RPA1: variants seen among roughly 807,000 people sequenced by gnomAD.
The protein encoded by RPA1 is replication protein A1, also known as replication protein A 70 kDa DNA-binding subunit.
A neutral mutation model predicts 83.0 loss-of-function variants in RPA1; 49 were observed. The ratio of observed to expected loss-of-function variants is 0.59; its 90% confidence interval spans 0.47 to 0.75. RPA1 has a LOEUF of 0.75. Ranked by LOEUF, RPA1 falls within the 30% of genes least tolerant of loss-of-function variation. RPA1 has a pLI of 0.00. For missense variants in RPA1, 693 were observed against 776.1 expected (o/e 0.89, Z 1.27); for synonymous variants, 279 against 281.8 (o/e 0.99, Z 0.10).
intron 5 of RPA1, among the ~76,000 whole-genome samples, chr17:1,860,155 A>G (rs959044625): frequency 2.0e-5 from 3 of 151,918 alleles, no homozygotes; most frequent in Non-Finnish European, 4.4e-5. Flanking sequence ...TGTTGCCCAC[A>G]CTGGTCTTGA....
At chr17:1,891,383 C>G (rs976738778) in intron 14 of RPA1, among the ~76,000 whole-genome samples, 7 of 152,032 alleles carry the variant, frequency 4.6e-5, no homozygotes, top group Admixed American at 3.3e-4. Context: ...AGAGAACTCC[C>G]CCGATTCACT....
At chr17:1,836,302 G>A (rs1268390974) in intron 1 of RPA1, among the ~76,000 whole-genome samples, 1 of 151,952 alleles carries the variant, frequency 6.6e-6, no homozygotes, top group Non-Finnish European at 1.5e-5. Context: ...TAGTGATGGG[G>A]TTTCACTATG....
chr17:1,864,382 C>T (rs1265904642), intron 5 of RPA1, among the ~76,000 whole-genome samples: 1 of 146,486 alleles, frequency 6.8e-6, no homozygotes, highest in Non-Finnish European at 1.5e-5. Flanking sequence ...ACTAAAAATA[C>T]AAAAAAATTA....
chr17:1,860,646 T>C (rs1239090869), intron 5 of RPA1, among the ~76,000 whole-genome samples: 2 of 149,800 alleles, frequency 1.3e-5, no homozygotes, highest in Non-Finnish European at 2.9e-5. Context: ...AATGACAGTA[T>C]TTGTTGTAAG....
At chr17:1,843,837 AC>A in intron 2 of RPA1, 82 bp from the exon 3 acceptor site, 1 of 1,081,028 alleles carries the variant, frequency 9.3e-7, no homozygotes, top group Non-Finnish European at 1.4e-6. Flanking sequence ...CTAATGGCAA[AC>A]CCACTCTCCT....
intron 12 of RPA1, among the ~76,000 whole-genome samples, chr17:1,881,936 T>G (rs2151288250): frequency 6.6e-6 from 1 of 152,316 alleles, no homozygotes; most frequent in South Asian, 2.1e-4. Flanking sequence ...CCTTGGAGCT[T>G]TTGAAACCGT....
intron 4 of RPA1, among the ~76,000 whole-genome samples, chr17:1,845,623 T>C (rs1385758621): frequency 6.6e-6 from 1 of 152,184 alleles, no homozygotes; most frequent in African/African-American, 2.4e-5. Context: ...ACTGTTACTC[T>C]CATTGCTAAA....
intron 5 of RPA1, among the ~76,000 whole-genome samples, chr17:1,855,723 G>A (rs1382563429): frequency 1.3e-5 from 2 of 151,950 alleles, no homozygotes; most frequent in Admixed American, 6.6e-5. Flanking sequence ...TGGGAAGTGT[G>A]TTCCGTTCTT....
At chr17:1,853,646 G>A in intron 5 of RPA1, among the ~76,000 whole-genome samples, 1 of 152,144 alleles carries the variant, frequency 6.6e-6, no homozygotes, top group Admixed American at 6.5e-5. Context: ...TCGTGCCACT[G>A]CACTCCAGCC....
intron 5 of RPA1, among the ~76,000 whole-genome samples, chr17:1,860,253 G>A (rs917185231): frequency 2.0e-5 from 3 of 151,936 alleles, no homozygotes; most frequent in African/African-American, 7.3e-5. Flanking sequence ...GTGGAGTGCC[G>A]GGCCTGCCTG....
intron 8 of RPA1, among the ~76,000 whole-genome samples, chr17:1,878,095 G>A (rs765901741): frequency 6.6e-6 from 1 of 152,246 alleles, no homozygotes; most frequent in Non-Finnish European, 1.5e-5. Flanking sequence ...GCTGGGTATG[G>A]TGGCAGGTGC....
intron 12 of RPA1, among the ~76,000 whole-genome samples, chr17:1,881,344 T>TG (rs1175982214): frequency 1.3e-5 from 2 of 152,084 alleles, no homozygotes; most frequent in African/African-American, 4.8e-5. Flanking sequence ...CTGTAGTCTA[T>TG]GGGGGGGAAG....
At chr17:1,831,982 G>A (rs1184433109) in intron 1 of RPA1, among the ~76,000 whole-genome samples, 1 of 145,138 alleles carries the variant, frequency 6.9e-6, no homozygotes, top group African/African-American at 2.6e-5. Context: ...AGGCTGGAGT[G>A]CGGTGGCGCA....
chr17:1,846,334 T>C (rs1054182291), intron 4 of RPA1, among the ~76,000 whole-genome samples: 7 of 137,412 alleles, frequency 5.1e-5, no homozygotes, highest in African/African-American at 1.1e-4. Flanking sequence ...TTTTTTTTTT[T>C]CTCCTGAGGC....
intron 6 of RPA1, 121 bp from the exon 7 acceptor site, chr17:1,875,540 C>A: frequency 1.9e-6 from 2 of 1,048,894 alleles, no homozygotes; most frequent in Non-Finnish European, 1.4e-6. Flanking sequence ...AAAAGCTTTG[C>A]CTCTCATGTT....
At chr17:1,852,389 T>C (rs1431821336) in intron 4 of RPA1, among the ~76,000 whole-genome samples, 1 of 152,206 alleles carries the variant, frequency 6.6e-6, no homozygotes, top group African/African-American at 2.4e-5. Context: ...CTTGAAGTGA[T>C]GTTTGAGACG....
chr17:1,844,790 C>G (rs2151271784), intron 4 of RPA1, 104 bp downstream of exon 4: 1 of 772,766 alleles, frequency 1.3e-6, no homozygotes, highest in East Asian at 2.8e-5. Context: ...TGCAGCTTTT[C>G]AGTTAAGAAC....
chr17:1,850,032 C>A (rs1032382890), intron 4 of RPA1, among the ~76,000 whole-genome samples: 1 of 151,562 alleles, frequency 6.6e-6, no homozygotes, highest in Non-Finnish European at 1.5e-5. Context: ...ATTAGCCAGG[C>A]GTGGTGGCAC....
At chr17:1,890,269 TAGG>T (rs1476144802) in intron 14 of RPA1, among the ~76,000 whole-genome samples, 1 of 150,714 alleles carries the variant, frequency 6.6e-6, no homozygotes, top group Non-Finnish European at 1.5e-5. Context: ...GAGGCTGAGG[TAGG>T]AGGATCGCTT....
Sources: gnomAD v4.1 joint callset for allele counts (sites outside exome capture counted in the v4.1 genomes callset) on GRCh38, gnomAD v4.1.1 for gene constraint, MANE v1.5 for transcripts, NCBI Gene and HGNC (gene_info 2026-07-23, HGNC 2026-07-21) for gene names.